The following EFCAB7 variants were observed in gnomAD, a reference collection of about 807,000 sequenced individuals.
EFCAB7 encodes the protein EF-hand calcium-binding domain-containing protein 7.
Under a neutral mutation model 77.1 loss-of-function variants are expected in EFCAB7, and 66 were observed. The ratio of observed to expected loss-of-function variants is 0.86; its 90% CI spans 0.70 to 1.05. EFCAB7 has a LOEUF of 1.05. EFCAB7 is among the 50% of genes least tolerant of loss of function. The probability of loss-of-function intolerance (pLI) is 0.00; values close to 1 mark genes in which losing one functional copy is unlikely to be tolerated. For missense variants in EFCAB7, 638 were observed against 730.5 expected (o/e 0.87, Z 1.46); for synonymous variants, 225 against 243.3 (o/e 0.92, Z 0.70).
intron 13 of EFCAB7, among the ~76,000 whole-genome samples, 170 bp downstream of exon 13, chr1:63,571,298 C>T (rs1647250216): frequency 6.6e-6 from 1 of 152,090 alleles, no homozygotes. Flanking sequence ...TGGTTCTAAT[C>T]CAGTTCTGTC....
chr1:63,577,561 G>GA (rs980468386), downstream of EFCAB7, among the ~76,000 whole-genome samples: 20 of 151,714 alleles, frequency 1.3e-4, no homozygotes, highest in African/African-American at 4.1e-4. Flanking sequence ...ATTGGCTTTT[G>GA]AAAAAAAAGT....
chr1:63,564,441 G>A (rs6696034), intron 11 of EFCAB7, among the ~76,000 whole-genome samples: 8,618 of 152,056 alleles, frequency 0.057, 807 homozygotes, highest in African/African-American at 0.19. Context: ...GCCAATTCAC[G>A]AAAGAACTCC....
chr1:63,526,692 C>T (rs1008223413), intron 2 of EFCAB7, among the ~76,000 whole-genome samples: 1 of 152,134 alleles, frequency 6.6e-6, no homozygotes, highest in African/African-American at 2.4e-5. Context: ...TTTAAAATTA[C>T]TAAAATGCTC....
At chr1:63,564,574 T>TG (rs1234064869) in intron 11 of EFCAB7, among the ~76,000 whole-genome samples, 2 of 152,054 alleles carry the variant, frequency 1.3e-5, no homozygotes, top group Non-Finnish European at 2.9e-5. Flanking sequence ...CACAAACAAA[T>TG]GGAAAAACAT....
downstream of EFCAB7, among the ~76,000 whole-genome samples, chr1:63,577,618 A>G (rs777677349): frequency 1.8e-4 from 27 of 152,240 alleles, no homozygotes; most frequent in South Asian, 4.1e-4. Context: ...AGGCTAGGGA[A>G]TAGTACACAG....
At chr1:63,565,237 T>G (rs978560059) in intron 11 of EFCAB7, among the ~76,000 whole-genome samples, 1 of 152,110 alleles carries the variant, frequency 6.6e-6, no homozygotes, top group Non-Finnish European at 1.5e-5. Context: ...CAGGTGCCTG[T>G]AGTCCCAGCT....
chr1:63,535,799 G>T (rs567414524), intron 6 of EFCAB7, among the ~76,000 whole-genome samples: 1 of 151,882 alleles, frequency 6.6e-6, no homozygotes, highest in African/African-American at 2.4e-5. Context: ...TATTATTATA[G>T]AACGAAGAAA....
rs565973955 is a variant in EFCAB7, at chr1:63,564,713, A to T, written c.1497+2856A>T. Among the ~76,000 whole-genome samples the T allele has an allele frequency of 1.2e-3, 125 of 107,786 alleles. 1 individual carries two copies. Among genetic ancestry groups the T allele is most frequent in the African/African-American group, 4.4e-3 (108 of 24,558 alleles). The allele number at this position is 107,786 out of a possible 152,430, so 70.7% of individuals were successfully genotyped here. A position where few individuals can be genotyped will look rare whatever the true frequency, so the allele number is the denominator to read the frequency against. On this transcript the variant is annotated intron_variant, in intron 11 of 13. Coordinates refer to ENST00000371088, the MANE Select transcript of EFCAB7 (RefSeq NM_032437.4). The stretch of plus-strand genomic sequence containing the variant: ...TTTACAGAACTAGAAAAAAAATTTT[A>T]AAATTCATATGGAACCAAAAAAAAG...
chr1:63,576,548 A>G (rs765845324), downstream of EFCAB7, among the ~76,000 whole-genome samples: 1 of 150,158 alleles, frequency 6.7e-6, no homozygotes, highest in Non-Finnish European at 1.5e-5. Context: ...GTCCAGGTGC[A>G]GTGGCTCACG....
Position 63,531,839 on chromosome 1 carries a change from A to G in EFCAB7, c.207A>G (p.Arg69=). The G allele has an allele frequency of 6.2e-7, 1 of 1,612,252 alleles. No homozygotes were observed. Among genetic ancestry groups the G allele is most frequent in the Non-Finnish European group, 8.5e-7 (1 of 1,179,336 alleles). The change falls in exon 3 of 14, where the codon AGA becomes AGG. Residue 69 remains arginine, a synonymous_variant. Coordinates refer to ENST00000371088, the MANE Select transcript of EFCAB7 (RefSeq NM_032437.4). ...QLYLALQHAG[R]NPSQKTINKY... ...GGGCAGCTCTTCAGCATGCAGGAAG[A>G]AATCCATCCCAAAAGACCATTAATA...
At chr1:63,579,894 GTTAT>G in the EFCAB7 span, among the ~76,000 whole-genome samples, 3 of 152,020 alleles carry the variant, frequency 2.0e-5, no homozygotes, top group East Asian at 1.9e-4. Context: ...TTGAAATTAG[GTTAT>G]TTGTTTTCTT....
chr1:63,585,100 T>C, the EFCAB7 span, among the ~76,000 whole-genome samples: 1 of 152,162 alleles, frequency 6.6e-6, no homozygotes, highest in African/African-American at 2.4e-5. Context: ...AAATGTTCAC[T>C]TGAATTTCTC....
At chr1:63,524,396 C>T (rs1042188972) in intron 1 of EFCAB7, among the ~76,000 whole-genome samples, 6 of 152,172 alleles carry the variant, frequency 3.9e-5, no homozygotes, top group Non-Finnish European at 8.8e-5. Context: ...ATGAAAGTGT[C>T]AGGCAGGCGG....
intron 11 of EFCAB7, among the ~76,000 whole-genome samples, chr1:63,568,037 T>A (rs1470746338): frequency 2.0e-5 from 3 of 151,962 alleles, no homozygotes; most frequent in Non-Finnish European, 4.4e-5. Context: ...AATGAAGAGA[T>A]GGTATTATGG....
chr1:63,530,990 T>C (rs1014629143), intron 2 of EFCAB7, among the ~76,000 whole-genome samples: 4 of 152,166 alleles, frequency 2.6e-5, no homozygotes, highest in African/African-American at 9.6e-5. Context: ...GCATTTATCT[T>C]TTCTTTGTGG....
chr1:63,532,813 T>C, intron 4 of EFCAB7, 57 bp downstream of exon 4: 1 of 1,391,156 alleles, frequency 7.2e-7, no homozygotes, highest in African/African-American at 1.5e-5. Context: ...GTGTTTTTAT[T>C]TTTCCCCAGC....
At position 63,568,318 on chromosome 1, in the gene EFCAB7, A is replaced by T. The variant is rs1277916251; in HGVS notation, c.1506A>T (p.Pro502=). ...TTTTTTTTTCCTATCAGGCATGTCC[A>T]TTTGTCATTGATATCTATGCAGAAA... ...NKALELTEAC[P]FVIDIYAEKC... The change falls in exon 12 of 14, where the codon CCA becomes CCT. Residue 502 remains proline (P), a synonymous_variant. Transcript: ENST00000371088. The T allele has an allele frequency of 6.2e-7, 1 of 1,602,246 alleles. No homozygotes were observed.
chr1:63,552,592 G>A (rs1442982127), intron 8 of EFCAB7, among the ~76,000 whole-genome samples: 5 of 152,152 alleles, frequency 3.3e-5, no homozygotes, highest in Non-Finnish European at 7.4e-5. Context: ...CCATGGGGTT[G>A]TTCTGATCTT....
chr1:63,563,074 C>G (rs1005850037), intron 11 of EFCAB7, among the ~76,000 whole-genome samples: 2 of 152,032 alleles, frequency 1.3e-5, no homozygotes, highest in African/African-American at 4.8e-5. Flanking sequence ...ACATTTTAAC[C>G]ATGTGTAAAA....
Sources: gnomAD v4.1 joint callset for allele counts (sites outside exome capture counted in the v4.1 genomes callset) on GRCh38, gnomAD v4.1.1 for gene constraint, MANE v1.5 for transcripts, NCBI Gene and HGNC (gene_info 2026-07-23, HGNC 2026-07-21) for gene names.